Variants in MAEA observed in about 807,000 individuals in gnomAD.
MAEA encodes the protein macrophage erythroblast attacher, E3 ubiquitin ligase.
In MAEA, 22 loss-of-function variants were observed where a neutral mutation model predicts 46.2. The observed-to-expected ratio is 0.48, with a 90% CI of 0.34 to 0.68. The LOEUF (loss-of-function observed/expected upper bound fraction) is 0.68. Ranked by LOEUF, MAEA falls within the 30% of genes least tolerant of loss-of-function variation. The probability of loss-of-function intolerance (pLI) is 0.01; values close to 1 mark genes in which losing one functional copy is unlikely to be tolerated. For synonymous variants in MAEA, 246 were observed against 222.6 expected (o/e 1.11, Z -0.94); for missense variants, 393 against 558.1 (o/e 0.70, Z 2.98).
Position 1,312,070 on chromosome 4 carries a change from T to C in MAEA, c.161T>C (p.Leu54Pro). The change falls in exon 2 of 9, where the codon CTG becomes CCG. Residue 54 changes from leucine to proline, a missense_variant. Leu to Pro is a moderately conservative substitution (Grantham distance 98). Transcript: ENST00000303400. ...TSHVTMVVAE[L>P]EKTLSGCPAV... ...CACGTCACCATGGTGGTGGCCGAGC[T>C]GGAGAAGACGTTGAGCGGCTGCCCC... 1.2e-6 allele frequency: 2 copies of C among 1,613,934 alleles called. No homozygotes were observed. The highest frequency in any genetic ancestry group is 8.5e-7 in the Non-Finnish European group (1 of 1,180,026).
At chr4:1,335,387 G>T (rs1305282618) in intron 6 of MAEA, 1 of 985,368 alleles carries the variant, frequency 1.0e-6, no homozygotes, top group East Asian at 1.1e-4. Flanking sequence ...AGTTAAGTCA[G>T]CACCAGCCCT....
At chr4:1,292,813 G>A (rs939797375) in intron 1 of MAEA, among the ~76,000 whole-genome samples, 2 of 151,976 alleles carry the variant, frequency 1.3e-5, no homozygotes, top group African/African-American at 4.8e-5. Context: ...GCTGTCAAAT[G>A]CTGTGAACGC....
intron 5 of MAEA, chr4:1,330,317 T>TCC: frequency 2.4e-5 from 3 of 124,444 alleles, no homozygotes; most frequent in Non-Finnish European, 3.0e-5. Context: ...TGTTTCTCTC[T>TCC]CTCTCTCTTT....
chr4:1,316,640 A>C (rs1460295576), intron 3 of MAEA, among the ~76,000 whole-genome samples: 1 of 151,872 alleles, frequency 6.6e-6, no homozygotes, highest in Non-Finnish European at 1.5e-5. Context: ...CTGTCTAACC[A>C]GGGGTCTTCT....
At chr4:1,297,923 T>G (rs2293634) in intron 1 of MAEA, 253,995 of 448,362 alleles carry the variant, frequency 0.57, 73,367 homozygotes, top group East Asian at 0.7. Flanking sequence ...TGTAGCCCCA[T>G]CCCCTGCCCT....
At chr4:1,325,799 G>A (rs981447479) in intron 4 of MAEA, among the ~76,000 whole-genome samples, 9 of 152,144 alleles carry the variant, frequency 5.9e-5, no homozygotes, top group African/African-American at 1.4e-4. Context: ...GTGGGGACTC[G>A]GGACCCTGGG....
intron 3 of MAEA, among the ~76,000 whole-genome samples, chr4:1,316,926 A>AG (rs1737260503): frequency 2.3e-5 from 3 of 133,152 alleles, no homozygotes; most frequent in Non-Finnish European, 4.8e-5. Flanking sequence ...ACTCACCCCC[A>AG]GGCCCACCCG....
chr4:1,316,045 T>G (rs1737121413), intron 3 of MAEA, among the ~76,000 whole-genome samples: 1 of 151,916 alleles, frequency 6.6e-6, no homozygotes, highest in Non-Finnish European at 1.5e-5. Context: ...GTTCTTCTCA[T>G]TTCCCTGTGG....
At chr4:1,327,270 C>T (rs1170386734) in intron 4 of MAEA, among the ~76,000 whole-genome samples, 1 of 152,242 alleles carries the variant, frequency 6.6e-6, no homozygotes, top group Non-Finnish European at 1.5e-5. Flanking sequence ...TTTGTCCTTG[C>T]AGAGGGGTTG....
chr4:1,290,489 C>T (rs954701297), intron 1 of MAEA, among the ~76,000 whole-genome samples: 1 of 152,198 alleles, frequency 6.6e-6, no homozygotes, highest in East Asian at 1.9e-4. Flanking sequence ...TGAAATACAG[C>T]TCTTGCCGTC....
At chr4:1,333,900 C>T (rs1280531624) in intron 6 of MAEA, among the ~76,000 whole-genome samples, 1 of 42,720 alleles carries the variant, frequency 2.3e-5, no homozygotes, top group Non-Finnish European at 4.8e-5. Flanking sequence ...ATGCCCACCC[C>T]CATGCCCACC....
intron 1 of MAEA, among the ~76,000 whole-genome samples, chr4:1,308,305 G>A (rs981612543): frequency 5.3e-5 from 8 of 152,180 alleles, no homozygotes; most frequent in African/African-American, 1.9e-4. Flanking sequence ...ACGGTCTGTT[G>A]TTGACCAAAA....
intron 1 of MAEA, among the ~76,000 whole-genome samples, chr4:1,306,421 A>G (rs945959848): frequency 6.6e-6 from 1 of 152,238 alleles, no homozygotes; most frequent in Non-Finnish European, 1.5e-5. Flanking sequence ...AGGCTGAGGC[A>G]GGACAATCAC....
At chr4:1,333,426 C>A (rs571371507) in intron 6 of MAEA, among the ~76,000 whole-genome samples, 1 of 152,278 alleles carries the variant, frequency 6.6e-6, no homozygotes, top group East Asian at 1.9e-4. Context: ...TTGCCTGTCC[C>A]CCTGGTTCTC....
At chr4:1,315,830 ATGTCCCCACCCCTGTGTGCGTG>A (rs1737079108) in intron 3 of MAEA, among the ~76,000 whole-genome samples, 1 of 27,264 alleles carries the variant, frequency 3.7e-5, no homozygotes, top group Non-Finnish European at 6.7e-5. Flanking sequence ...CCCCATGTGC[ATGTCCCCACCCCTGTGTGCGTG>A]TGTCCCCTTC....
intron 4 of MAEA, among the ~76,000 whole-genome samples, chr4:1,324,251 T>A (rs1459817864): frequency 2.7e-5 from 4 of 147,846 alleles, no homozygotes; most frequent in Admixed American, 6.8e-5. Flanking sequence ...TGAGCGTGTC[T>A]GGTGTTGGAT....
chr4:1,339,720 C>T lies in MAEA; in HGVS notation c.*551C>T, dbSNP rs566925949. On this transcript the variant is annotated 3_prime_UTR_variant, in exon 9 of 9. Coordinates refer to ENST00000303400, the MANE Select transcript of MAEA (RefSeq NM_001017405.3). ...CGCCGCCACCGTCGGGGGCTGGCTT[C>T]GAGGACGCCCGCCTGCCTCGCGGGT... 1.9e-5 allele frequency: 3 copies of T among 154,852 alleles called. No homozygotes were observed. Among genetic ancestry groups the T allele is most frequent in the Admixed American group, 1.9e-4 (3 of 15,580 alleles). 9.6% of individuals were successfully genotyped at this position (154,852 alleles called of 1,614,324 possible).
intron 4 of MAEA, among the ~76,000 whole-genome samples, chr4:1,326,822 G>T (rs1474268420): frequency 6.6e-6 from 1 of 152,226 alleles, no homozygotes; most frequent in African/African-American, 2.4e-5. Flanking sequence ...ACCGGCCCCG[G>T]CTTCTGCCCG....
intron 3 of MAEA, among the ~76,000 whole-genome samples, chr4:1,316,404 G>A (rs1737176230): frequency 6.6e-6 from 1 of 152,006 alleles, no homozygotes; most frequent in Admixed American, 6.6e-5. Context: ...AGATCCTGCT[G>A]TGGGAGCACA....
Sources: allele counts gnomAD v4.1 joint callset (sites outside exome capture counted in the v4.1 genomes callset), GRCh38; gene constraint gnomAD v4.1.1; transcripts MANE v1.5; gene names NCBI Gene and HGNC (gene_info 2026-07-23, HGNC 2026-07-21).